MAP4K5: variants seen among roughly 807,000 people sequenced by gnomAD.
MAP4K5 encodes the protein mitogen-activated protein kinase kinase kinase kinase 5.
MAP4K5 carries 82 observed loss-of-function variants against 135.6 expected under a neutral mutation model. That is an observed-to-expected ratio of 0.60 (90% CI 0.51 to 0.73). The LOEUF is 0.73. Ranked by LOEUF, MAP4K5 falls within the 30% of genes least tolerant of loss-of-function variation. The pLI is 0.00. For synonymous variants in MAP4K5, 347 were observed against 335.0 expected (o/e 1.04, Z -0.39); for missense variants, 907 against 1,010.9 (o/e 0.90, Z 1.39).
intron 2 of MAP4K5, among the ~76,000 whole-genome samples, chr14:50,523,442 A>G (rs2038192800): frequency 6.6e-6 from 1 of 152,192 alleles, no homozygotes; most frequent in Non-Finnish European, 1.5e-5. Context: ...TCAGCTACAG[A>G]CACAGGTTCC....
intron 22 of MAP4K5, 110 bp downstream of exon 22, chr14:50,440,252 A>T (rs2139695163): frequency 1.2e-6 from 1 of 819,608 alleles, no homozygotes; most frequent in Non-Finnish European, 1.9e-6. Context: ...CCCTTTAAAT[A>T]TTTAAATCAT....
At chr14:50,450,483 G>A (rs1282963768) in intron 14 of MAP4K5, 1 of 151,768 alleles carries the variant, frequency 6.6e-6, no homozygotes, top group Non-Finnish European at 1.5e-5. Flanking sequence ...CAAGAAAATG[G>A]AGCCCACAGA....
At chr14:50,555,709 A>C (rs1160829771) in intron 1 of MAP4K5, among the ~76,000 whole-genome samples, 2 of 152,216 alleles carry the variant, frequency 1.3e-5, no homozygotes, top group Admixed American at 1.3e-4. Context: ...CCAAAGCTAT[A>C]TCCTAACTAA....
chr14:50,560,244 C>T (rs1376797413), intron 1 of MAP4K5: 1 of 1,613,624 alleles, frequency 6.2e-7, no homozygotes, highest in Non-Finnish European at 8.5e-7. Flanking sequence ...AGCGCCTCAC[C>T]GCCACCAGCT....
At chr14:50,426,115 A>C in intron 30 of MAP4K5, 138 bp from the exon 31 acceptor site, 1 of 479,144 alleles carries the variant, frequency 2.1e-6, no homozygotes, top group Non-Finnish European at 3.7e-6. Context: ...ACGATTTCTC[A>C]ACATTTTTGT....
At chr14:50,447,589 TTCAA>T (rs910236655) in intron 15 of MAP4K5, 108 bp from the exon 16 acceptor site, 1 of 633,302 alleles carries the variant, frequency 1.6e-6, no homozygotes, top group Non-Finnish European at 2.7e-6. Flanking sequence ...CATCTTGGCA[TTCAA>T]TCAATTTTTT....
At chr14:50,546,396 G>C (rs1391636049) in intron 1 of MAP4K5, among the ~76,000 whole-genome samples, 2 of 151,684 alleles carry the variant, frequency 1.3e-5, no homozygotes, top group African/African-American at 2.4e-5. Flanking sequence ...GTGTGTGTGA[G>C]AGAGCATACA....
chr14:50,515,078 A>G (rs945332514), intron 2 of MAP4K5, among the ~76,000 whole-genome samples: 6 of 151,874 alleles, frequency 4.0e-5, no homozygotes, highest in Non-Finnish European at 5.9e-5. Flanking sequence ...TAATTTTTGT[A>G]TTTTTAGTAC....
intron 2 of MAP4K5, among the ~76,000 whole-genome samples, chr14:50,508,166 C>T (rs1179605297): frequency 6.6e-6 from 1 of 152,118 alleles, no homozygotes; most frequent in Non-Finnish European, 1.5e-5. Context: ...ACTAGGATTG[C>T]AACCCCTGCT....
chr14:50,456,485 C>A, intron 14 of MAP4K5, 31 bp downstream of exon 14: 1 of 1,497,102 alleles, frequency 6.7e-7, no homozygotes. Context: ...CCTCCAAAAC[C>A]ACCAATGGAA....
chr14:50,508,341 G>A (rs1223947378), intron 2 of MAP4K5, among the ~76,000 whole-genome samples: 1 of 152,080 alleles, frequency 6.6e-6, no homozygotes, highest in Non-Finnish European at 1.5e-5. Context: ...TGATAGACTG[G>A]ACTAAGAAAA....
chr14:50,455,352 A>G (rs973406610), intron 14 of MAP4K5, among the ~76,000 whole-genome samples: 4 of 152,052 alleles, frequency 2.6e-5, no homozygotes, highest in African/African-American at 9.6e-5. Context: ...GATAAAATAG[A>G]CTACATTAAT....
Position 50,435,011 on chromosome 14 carries a change from A to G in MAP4K5, c.1937T>C (p.Ile646Thr). ...KYLCGALQSG[I>T]VLLQWYEPMQ... ...TGGCTCATACCACTGAAGTAAAACA[A>G]TTCCAGACTGTAAAGCTCCACAGAG... Residue 646 changes from isoleucine (I) to threonine (T), a missense_variant, in exon 27 of 33, where the codon ATT becomes ACT. Ile to Thr is a moderately conservative substitution (Grantham distance 89). This residue lies in a region of MAP4K5 where 690 missense variants were observed against 777.4 expected (regional missense o/e 0.89). Coordinates refer to ENST00000682126, the MANE Select transcript of MAP4K5 (RefSeq NM_006575.6). 9 of 1,611,830 alleles carry G rather than the reference A, an allele frequency of 5.6e-6. No individual in the cohort carries two copies. The highest frequency in any genetic ancestry group is 7.6e-6 in the Non-Finnish European group (9 of 1,178,600).
chr14:50,508,572 G>T (rs572018342), intron 2 of MAP4K5, among the ~76,000 whole-genome samples: 2 of 152,014 alleles, frequency 1.3e-5, no homozygotes, highest in African/African-American at 2.4e-5. Flanking sequence ...GTCGTGGGGT[G>T]GGGGGAGAGG....
chr14:50,509,057 A>T (rs983229922), intron 2 of MAP4K5, among the ~76,000 whole-genome samples: 1 of 152,184 alleles, frequency 6.6e-6, no homozygotes, highest in East Asian at 1.9e-4. Context: ...AGCCATAAAA[A>T]AAGGAAGAGT....
intron 9 of MAP4K5, among the ~76,000 whole-genome samples, chr14:50,473,518 A>C (rs995843327): frequency 1.3e-5 from 2 of 152,144 alleles, no homozygotes; most frequent in Admixed American, 1.3e-4. Context: ...TATTAAACCT[A>C]GTTTGGCATA....
chr14:50,430,853 A>C (rs1418718287), intron 28 of MAP4K5, among the ~76,000 whole-genome samples: 1 of 152,204 alleles, frequency 6.6e-6, no homozygotes, highest in Admixed American at 6.5e-5. Context: ...AGCATCATTC[A>C]TGACTGTGTG....
At chr14:50,475,516 AT>A (rs1307348016) in intron 8 of MAP4K5, among the ~76,000 whole-genome samples, 2 of 151,586 alleles carry the variant, frequency 1.3e-5, no homozygotes, top group African/African-American at 4.8e-5. Context: ...TTCTGGTACT[AT>A]TTTTTTTACA....
intron 3 of MAP4K5, among the ~76,000 whole-genome samples, chr14:50,503,418 GA>G (rs2037747186): frequency 6.6e-6 from 1 of 152,046 alleles, no homozygotes; most frequent in African/African-American, 2.4e-5. Context: ...AAGGCAGTGA[GA>G]AATTCCAGCC....
Sources: allele counts gnomAD v4.1 joint callset (sites outside exome capture counted in the v4.1 genomes callset), GRCh38; gene constraint gnomAD v4.1.1; regional missense constraint gnomAD v4.1.1; transcripts MANE v1.5; gene names NCBI Gene and HGNC (gene_info 2026-07-23, HGNC 2026-07-21).